The following FBXO25 variants were observed in gnomAD, a reference collection of about 807,000 sequenced individuals.
FBXO25 encodes F-box only protein 25.
FBXO25 carries 45 observed loss-of-function variants against 51.9 expected under a neutral mutation model. The ratio of observed to expected loss-of-function variants is 0.87; its 90% CI spans 0.68 to 1.11. The LOEUF (loss-of-function observed/expected upper bound fraction) is 1.11, where lower values mean the gene tolerates loss of function less well. Ranked by LOEUF, FBXO25 falls within the 50% of genes most tolerant of loss-of-function variation. The pLI, the probability that FBXO25 is intolerant of heterozygous loss-of-function variation, is 0.00. For synonymous variants in FBXO25, 199 were observed against 151.0 expected (o/e 1.32, Z -2.33); for missense variants, 507 against 428.5 (o/e 1.18, Z -1.62).
intron 7 of FBXO25, 74 bp downstream of exon 7, chr8:451,527 T>C: frequency 7.5e-7 from 1 of 1,338,278 alleles, no homozygotes; most frequent in African/African-American, 1.5e-5. Flanking sequence ...TAAGCATACA[T>C]GAAAGACTGC....
At position 476,925 on chromosome 8, in the gene FBXO25, G is replaced by T. The variant is rs1800663285; in HGVS notation, c.*8121G>T. 6.6e-6 allele frequency: 1 copy of T among 151,946 alleles called. No homozygotes were observed. Among genetic ancestry groups the T allele is most frequent in the Non-Finnish European group, 1.5e-5 (1 of 67,996 alleles). 9.4% of individuals were successfully genotyped at this position (151,946 alleles called of 1,614,324 possible). On this transcript the variant is annotated 3_prime_UTR_variant, in exon 10 of 10. Coordinates refer to ENST00000350302, the MANE Select transcript of FBXO25 (RefSeq NM_183420.2). ...CTTGAGATCTTAATTTGTTTAATAG[G>T]TGTATTTACAGTTACAAATTTCCCT...
intron 2 of FBXO25, among the ~76,000 whole-genome samples, chr8:422,021 A>G (rs1323874263): frequency 2.0e-5 from 3 of 152,248 alleles, no homozygotes; most frequent in Non-Finnish European, 4.4e-5. Context: ...ATTCCAGTTA[A>G]TAAATATAGA....
Position 477,602 on chromosome 8 carries a change from TACAC to T in FBXO25, c.*8802_*8805del, listed in dbSNP as rs1563108278. Reference sequence around the variant, plus strand: ...GGGAATTTGAGGCTGCAAGGATAGGTACACACAGGGGAGTGAAGCAGGGCTTGGA... The same window carrying T: ...GGGAATTTGAGGCTGCAAGGATAGGTACAGGGGAGTGAAGCAGGGCTTGGA... On this transcript the variant is annotated 3_prime_UTR_variant, in exon 10 of 10. Coordinates refer to ENST00000350302, the MANE Select transcript of FBXO25 (RefSeq NM_183420.2). 6.6e-6 allele frequency: 1 copy of T among 152,220 alleles called. No homozygotes were observed. Among genetic ancestry groups the T allele is most frequent in the African/African-American group, 2.4e-5 (1 of 41,450 alleles). 9.4% of individuals were successfully genotyped at this position (152,220 alleles called of 1,614,324 possible). A position where few individuals can be genotyped will look rare whatever the true frequency, so the allele number is the denominator to read the frequency against.
At chr8:443,659 C>G (rs1462451044) in intron 5 of FBXO25, among the ~76,000 whole-genome samples, 1 of 151,280 alleles carries the variant, frequency 6.6e-6, no homozygotes, top group Non-Finnish European at 1.5e-5. Context: ...TTAATCCAGC[C>G]TGCATGAGGT....
intron 8 of FBXO25, among the ~76,000 whole-genome samples, chr8:460,867 C>T (rs1277292307): frequency 2.6e-5 from 4 of 152,130 alleles, no homozygotes; most frequent in Non-Finnish European, 4.4e-5. Context: ...TTATTAGAAA[C>T]AAGATTTCCT....
intron 2 of FBXO25, among the ~76,000 whole-genome samples, chr8:428,697 T>C (rs1797640476): frequency 6.6e-6 from 1 of 152,214 alleles, no homozygotes. Flanking sequence ...CGCTAACTTT[T>C]CATTCTCCAG....
intron 8 of FBXO25, among the ~76,000 whole-genome samples, chr8:461,782 C>CT (rs1799830050): frequency 6.6e-6 from 1 of 152,314 alleles, no homozygotes; most frequent in East Asian, 1.9e-4. Context: ...TGACTGGCTT[C>CT]TTACCCTTTG....
intron 7 of FBXO25, among the ~76,000 whole-genome samples, chr8:453,041 GC>G (rs1232396211): frequency 6.6e-6 from 1 of 152,172 alleles, no homozygotes; most frequent in Non-Finnish European, 1.5e-5. Context: ...TCTGCTTTTG[GC>G]CCGGGATGGT....
rs866408063 is a variant in FBXO25 at position 473,909 on chromosome 8, C to T, written c.*5105C>T. 1.3e-5 allele frequency: 2 copies of T among 152,200 alleles called. No individual in the cohort carries two copies. The highest frequency in any genetic ancestry group is 2.9e-5 in the Non-Finnish European group (2 of 68,032). 9.4% of individuals were successfully genotyped at this position (152,200 alleles called of 1,614,324 possible). A position where few individuals can be genotyped will look rare whatever the true frequency, so the allele number is the denominator to read the frequency against. On this transcript the variant is annotated 3_prime_UTR_variant, in exon 10 of 10. Coordinates refer to ENST00000350302, the MANE Select transcript of FBXO25 (RefSeq NM_183420.2). ...TATTATCTAACCTATGTAGTCAATT[C>T]TAATGTCATTTAAAAGAATTTGACA...
At position 440,744 on chromosome 8, in the gene FBXO25, C is replaced by T. The variant is rs183422043; in HGVS notation, c.381+5037C>T. Among the ~76,000 whole-genome samples, 954 of 152,070 alleles carry T rather than the reference C, an allele frequency of 6.3e-3. 2 individuals are homozygous for T. The highest frequency in any genetic ancestry group is 0.011 in the Non-Finnish European group (769 of 67,984). On this transcript the variant is annotated intron_variant, in intron 5 of 9. Coordinates refer to ENST00000350302, the MANE Select transcript of FBXO25 (RefSeq NM_183420.2). Reference sequence around the variant, plus strand: ...TAATGCTATCTGTCCCCTAGCCCCCCACCCCCCGACAGGCCCTGGTGTGTG... The same window carrying T: ...TAATGCTATCTGTCCCCTAGCCCCCTACCCCCCGACAGGCCCTGGTGTGTG...
At chr8:458,319 A>G in intron 7 of FBXO25, 50 bp from the exon 8 acceptor site, 1 of 1,581,980 alleles carries the variant, frequency 6.3e-7, no homozygotes, top group Non-Finnish European at 8.6e-7. Context: ...TACTGTGTGA[A>G]CAAACATTGG....
At chr8:418,815 A>G (rs1585010650) in intron 2 of FBXO25, among the ~76,000 whole-genome samples, 1 of 152,170 alleles carries the variant, frequency 6.6e-6, no homozygotes, top group African/African-American at 2.4e-5. Context: ...GAAGGGAAAG[A>G]TTTTTTCAAC....
chr8:432,387 C>G (rs943823974), intron 3 of FBXO25, among the ~76,000 whole-genome samples: 17 of 152,248 alleles, frequency 1.1e-4, no homozygotes, highest in African/African-American at 4.1e-4. Flanking sequence ...GTTTTCAAAC[C>G]AAACCTGACT....
chr8:450,300 A>T (rs1321180166), intron 6 of FBXO25, among the ~76,000 whole-genome samples: 13 of 152,230 alleles, frequency 8.5e-5, no homozygotes, highest in African/African-American at 3.1e-4. Flanking sequence ...ACAAATGGAT[A>T]TATTAGGAAA....
At chr8:454,759 G>C (rs11991563) in intron 7 of FBXO25, among the ~76,000 whole-genome samples, 6,470 of 151,872 alleles carry the variant, frequency 0.043, 382 homozygotes, top group African/African-American at 0.14. Flanking sequence ...GGCGTGGTGG[G>C]ACGTGCCTGT....
intron 4 of FBXO25, among the ~76,000 whole-genome samples, chr8:433,449 G>T (rs1282586536): frequency 1.3e-5 from 2 of 152,144 alleles, no homozygotes; most frequent in African/African-American, 4.8e-5. Flanking sequence ...GTTTTGGAGG[G>T]CAGGGCATCT....
At chr8:428,486 G>A (rs1259864412) in intron 2 of FBXO25, among the ~76,000 whole-genome samples, 1 of 149,998 alleles carries the variant, frequency 6.7e-6, no homozygotes, top group Non-Finnish European at 1.5e-5. Flanking sequence ...AAGACAAGCT[G>A]CTACTTCCTC....
intron 2 of FBXO25, among the ~76,000 whole-genome samples, chr8:426,481 C>T (rs573577640): frequency 1.3e-5 from 2 of 151,932 alleles, no homozygotes; most frequent in African/African-American, 4.8e-5. Flanking sequence ...GAACTGAAAG[C>T]CATGTTAATA....
intron 8 of FBXO25, among the ~76,000 whole-genome samples, chr8:458,999 T>C (rs986315616): frequency 1.3e-5 from 2 of 152,182 alleles, no homozygotes; most frequent in African/African-American, 4.8e-5. Flanking sequence ...CCCTGCCTTG[T>C]GTGCTGCACT....
Sources: gnomAD v4.1 joint callset for allele counts (sites outside exome capture counted in the v4.1 genomes callset) on GRCh38, gnomAD v4.1.1 for gene constraint, MANE v1.5 for transcripts, NCBI Gene and HGNC (gene_info 2026-07-23, HGNC 2026-07-21) for gene names.